Variants in SMG1 observed in about 807,000 individuals in gnomAD.
SMG1 encodes serine/threonine-protein kinase SMG1.
A neutral mutation model predicts 419.9 loss-of-function variants in SMG1; 22 were observed. The observed-to-expected ratio is 0.05, with a 90% CI of 0.04 to 0.07. The LOEUF is 0.07. SMG1 is among the 10% of genes least tolerant of loss of function. SMG1 has a pLI of 1.00. For missense variants in SMG1, 3,185 were observed against 4,342.0 expected, an observed-to-expected ratio of 0.73 and a Z score of 7.49; for synonymous variants, 1,538 against 1,553.5, an observed-to-expected ratio of 0.99 and a Z score of 0.23.
In SMG1 at chr16:18,869,171, T is replaced by C. The variant is rs1175057339; in HGVS notation, c.2766A>G (p.Gln922=). ...TTCTCAGCTTAGAAAGAACAGTGAA[T>C]TGTGCAGCTTCCCATATGGCCCACT... is the stretch of plus-strand genomic sequence containing the variant. ...LWQWAIWEAA[Q]FTVLSKLRTP... The change falls in exon 20 of 63, where the codon CAA becomes CAG. Residue 922 remains glutamine (Q), a synonymous_variant. Transcript: ENST00000446231. 6.2e-7 allele frequency: 1 copy of C among 1,611,656 alleles called. No individual in the cohort carries two copies. The highest frequency in any genetic ancestry group is 1.3e-5 in the African/African-American group (1 of 74,842).
Position 18,919,122 on chromosome 16 carries a change from T to A in SMG1, c.92+6828A>T, listed in dbSNP as rs144012763. ...CAGGCATATCACTTGAGGTCAGAAG[T>A]TCGAGACCAGCCTGGTCGACATGGT... is the stretch of plus-strand genomic sequence containing the variant. On this transcript the variant is annotated intron_variant, in intron 1 of 62. Coordinates refer to ENST00000446231, the MANE Select transcript of SMG1 (RefSeq NM_015092.5). 2.1e-4 allele frequency among the ~76,000 whole-genome samples: 32 copies of A among 151,858 alleles called. No homozygotes were observed. The East Asian group carries it at 4.7e-3, about 22-fold the overall frequency.
rs777297585 is a variant in SMG1 at position 18,833,096 on chromosome 16, G to C, written c.8636C>G (p.Thr2879Arg). The change falls in exon 51 of 63, where the codon ACG (threonine) becomes AGG (arginine). Residue 2879 changes from threonine (T) to arginine (R), a missense_variant. Thr to Arg is a moderately conservative substitution (Grantham distance 71). Around this residue, in one of 27 missense-constraint regions of SMG1, gnomAD observed 412 missense variants for 546.6 expected, o/e 0.75. Coordinates refer to ENST00000446231, the MANE Select transcript of SMG1 (RefSeq NM_015092.5). The part of the protein sequence containing the change: ...ALRCLMKGEY[T>R]LESMLHELDG... ...CAGTTCATGCAGCATACTTTCTAAC[G>C]TGTATTCCCCTTTCATTAAACATCG... The C allele has an allele frequency of 6.2e-7, 1 of 1,613,928 alleles. No homozygotes were observed. The highest frequency in any genetic ancestry group is 1.7e-5 in the Admixed American group (1 of 60,014).
intron 10 of SMG1, 146 bp downstream of exon 10, chr16:18,882,019 A>G (rs1364945281): frequency 2.6e-5 from 12 of 469,176 alleles, no homozygotes; most frequent in Non-Finnish European, 3.6e-5. Flanking sequence ...TCAAGAAAAC[A>G]GTCAGACAAT....
At chr16:18,885,993 C>T (rs528690990) in intron 6 of SMG1, among the ~76,000 whole-genome samples, 6 of 152,122 alleles carry the variant, frequency 3.9e-5, no homozygotes, top group South Asian at 4.2e-4. Context: ...GAAAATATTT[C>T]ACTCCACTAA....
At chr16:18,894,147 G>T (rs2037010960) in intron 3 of SMG1, among the ~76,000 whole-genome samples, 2 of 151,984 alleles carry the variant, frequency 1.3e-5, no homozygotes, top group African/African-American at 4.8e-5. Flanking sequence ...GGTGGGAGAA[G>T]GGAGAGGATC....
At position 18,836,124 on chromosome 16, in the gene SMG1, C is replaced by A. The variant is rs750872783; in HGVS notation, c.7866G>T (p.Glu2622Asp). The A allele has an allele frequency of 6.2e-7, 1 of 1,609,584 alleles. No homozygotes were observed. The highest frequency in any genetic ancestry group is 8.5e-7 in the Non-Finnish European group (1 of 1,178,032). The change falls in exon 48 of 63, where the codon GAG becomes GAT. Residue 2622 changes from glutamate to aspartate, a missense_variant. Physicochemically the swap from Glu to Asp is conservative, Grantham distance 45 (BLOSUM62 2). This residue lies in a region of SMG1 where 412 missense variants were observed against 546.6 expected (regional missense o/e 0.75). Transcript: ENST00000446231. Reference protein sequence around the residue: ...LISQCEQLEGEVGALLQQRRS... With the variant: ...LISQCEQLEGDVGALLQQRRS... Reference sequence around the variant, plus strand: ...GCCTCTGCTGCAGGAGAGCACCAACCTCCCCCTCCAGCTGCTCGCACTGGC... The same window carrying A: ...GCCTCTGCTGCAGGAGAGCACCAACATCCCCCTCCAGCTGCTCGCACTGGC...
At chr16:18,860,932 T>C (rs1019228005) in intron 25 of SMG1, 156 bp from the exon 26 acceptor site, 5 of 517,762 alleles carry the variant, frequency 9.7e-6, no homozygotes, top group African/African-American at 2.0e-5. Flanking sequence ...ATTTTGGTTT[T>C]TATGTTGAAG....
rs1025303083 is a variant in SMG1, at chr16:18,870,090, G to A, written c.2493-96C>T. Reference sequence around the variant, plus strand: ...TTATTTACTTATTAACTCACTGGAGGTAAAAATATAGTAAAATTGAGACTT... The same window carrying A: ...TTATTTACTTATTAACTCACTGGAGATAAAAATATAGTAAAATTGAGACTT... On this transcript the variant is annotated intron_variant, in intron 18 of 62. Transcript: ENST00000446231. 6 of 673,888 alleles carry A rather than the reference G, an allele frequency of 8.9e-6. No individual in the cohort carries two copies. In the African/African-American group the frequency reaches 9.1e-5, roughly 10 times the overall value. The allele number at this position is 673,888 out of a possible 1,614,324, so 41.7% of individuals were successfully genotyped here. A position where few individuals can be genotyped will look rare whatever the true frequency, so the allele number is the denominator to read the frequency against.
chr16:18,812,911 C>T (rs187687601), intron 60 of SMG1, among the ~76,000 whole-genome samples: 1,929 of 152,160 alleles, frequency 0.013, 98 homozygotes, highest in East Asian at 0.11. Context: ...TGAGTGAGAA[C>T]ATGCGGTGTT....
intron 51 of SMG1, among the ~76,000 whole-genome samples, chr16:18,830,853 T>C (rs1400995007): frequency 1.3e-5 from 2 of 152,168 alleles, no homozygotes; most frequent in African/African-American, 4.8e-5. Context: ...CACAATAGGA[T>C]TTCAATGATT....
At chr16:18,838,498 T>G (rs774710353) in intron 43 of SMG1, 32 bp from the exon 44 acceptor site, 59 of 1,613,876 alleles carry the variant, frequency 3.7e-5, no homozygotes, top group Non-Finnish European at 4.7e-5. Flanking sequence ...ATTTTTGCCC[T>G]TTCACCAAAA....
At chr16:18,924,776 T>C (rs1254771989) in intron 1 of SMG1, 1 of 152,220 alleles carries the variant, frequency 6.6e-6, no homozygotes, top group Non-Finnish European at 1.5e-5. Flanking sequence ...GCATATTAAA[T>C]AGACTAAGAT....
rs373688486 is a variant in SMG1 at position 18,849,332 on chromosome 16, A to G, written c.5508T>C (p.Tyr1836=). 37 of 1,613,786 alleles carry G rather than the reference A, an allele frequency of 2.3e-5. No homozygotes were observed. The African/African-American group carries it at 4.1e-4, about 18-fold the overall frequency. ...LFSRLNHPEV[Y]VRQSICNLLC... Reference sequence around the variant, plus strand: ...GAAGGTTACAAATACTTTGGCGCACATACACTTCAGGGTGGTTTAAGCGTG... The same window carrying G: ...GAAGGTTACAAATACTTTGGCGCACGTACACTTCAGGGTGGTTTAAGCGTG... Residue 1836 remains tyrosine, a synonymous_variant, in exon 36 of 63, where the codon TAT becomes TAC. Coordinates refer to ENST00000446231, the MANE Select transcript of SMG1 (RefSeq NM_015092.5).
At position 18,832,156 on chromosome 16, in the gene SMG1, G is replaced by A. The variant is rs1312698841; in HGVS notation, c.8792+784C>T. 3.3e-5 allele frequency among the ~76,000 whole-genome samples: 5 copies of A among 152,130 alleles called. No individual in the cohort carries two copies. In the East Asian group the frequency reaches 7.7e-4, roughly 24 times the overall value. On this transcript the variant is annotated intron_variant, in intron 51 of 62. Coordinates refer to ENST00000446231, the MANE Select transcript of SMG1 (RefSeq NM_015092.5). ...TTTGAAATTTCCCATGGGAGGAAAC[G>A]GTGCTACAATTCATTTCTACTCTCT...
At chr16:18,874,677 C>A (rs1266032342) in intron 13 of SMG1, among the ~76,000 whole-genome samples, 5 of 148,946 alleles carry the variant, frequency 3.4e-5, no homozygotes, top group Non-Finnish European at 5.9e-5. Flanking sequence ...ACCAGCCTGG[C>A]CAACATGGTG....
Position 18,809,546 on chromosome 16 carries a change from A to G in SMG1, c.*23T>C. The G allele has an allele frequency of 6.3e-7, 1 of 1,589,010 alleles. No homozygotes were observed. Among genetic ancestry groups the G allele is most frequent in the Non-Finnish European group, 8.6e-7 (1 of 1,160,930 alleles). On this transcript the variant is annotated 3_prime_UTR_variant, in exon 63 of 63. Coordinates refer to ENST00000446231, the MANE Select transcript of SMG1 (RefSeq NM_015092.5). Reference sequence around the variant, plus strand: ...GGTGGATGTCTGACCTCGCTTAACCAGACTCATCTACTGTCTTGCCATTCA... The same window carrying G: ...GGTGGATGTCTGACCTCGCTTAACCGGACTCATCTACTGTCTTGCCATTCA...
chr16:18,812,878 T>G (rs909081350), intron 60 of SMG1, among the ~76,000 whole-genome samples: 19 of 152,122 alleles, frequency 1.2e-4, no homozygotes, highest in African/African-American at 4.6e-4. Flanking sequence ...GTCCAAGTGT[T>G]CTCATTGTTC....
intron 53 of SMG1, 80 bp from the exon 54 acceptor site, chr16:18,829,835 T>C: frequency 7.0e-7 from 1 of 1,437,940 alleles, no homozygotes; most frequent in Non-Finnish European, 9.3e-7. Flanking sequence ...TAAGGTGTCA[T>C]GAATGTATAA....
intron 3 of SMG1, among the ~76,000 whole-genome samples, chr16:18,892,568 C>T (rs1428652106): frequency 6.6e-6 from 1 of 151,982 alleles, no homozygotes; most frequent in African/African-American, 2.4e-5. Flanking sequence ...CACAGACATA[C>T]AAAAAATTAC....
Sources: gnomAD v4.1 joint callset for allele counts (sites outside exome capture counted in the v4.1 genomes callset) on GRCh38, gnomAD v4.1.1 for gene constraint, gnomAD v4.1.1 regional missense constraint, MANE v1.5 for transcripts, NCBI Gene and HGNC (gene_info 2026-07-23, HGNC 2026-07-21) for gene names.